L3MBTL1: variants seen among roughly 807,000 people sequenced by gnomAD.
The protein encoded by L3MBTL1 is lethal(3)malignant brain tumor-like protein 1.
L3MBTL1 carries 75 observed loss-of-function variants against 105.3 expected under a neutral mutation model. That is an observed-to-expected ratio of 0.71 (90% CI 0.59 to 0.86). The LOEUF is 0.86. L3MBTL1 is among the 40% of genes least tolerant of loss of function. L3MBTL1 has a pLI of 0.00. For synonymous variants in L3MBTL1, 452 were observed against 436.2 expected, an observed-to-expected ratio of 1.04 and a Z score of -0.45; for missense variants, 1,069 against 1,126.4, an observed-to-expected ratio of 0.95 and a Z score of 0.73.
intron 7 of L3MBTL1, among the ~76,000 whole-genome samples, chr20:43,525,398 TAAAAA>T (rs11475664): frequency 6.7e-6 from 1 of 148,752 alleles, no homozygotes; most frequent in African/African-American, 2.5e-5. Context: ...TACAAGTTAT[TAAAAA>T]AAAAAGCATC....
rs1401315946 is a variant in L3MBTL1, at chr20:43,532,897, A to C, written c.1409A>C (p.Asp470Ala). The change falls in exon 12 of 22, where the codon GAC becomes GCC. Residue 470 changes from aspartate to alanine, a missense_variant. Coordinates refer to ENST00000418998, the MANE Select transcript of L3MBTL1 (RefSeq NM_001377303.1). ...GACAGCCGCTTCCTGGTGCACTTTG[A>C]CAACTGGGATGATACTTATGACTAC... ...VVDSRFLVHF[D>A]NWDDTYDYWC... The C allele has an allele frequency of 1.2e-6, 2 of 1,613,942 alleles. No individual in the cohort carries two copies. Among genetic ancestry groups the C allele is most frequent in the Non-Finnish European group, 1.7e-6 (2 of 1,180,012 alleles).
intron 7 of L3MBTL1, among the ~76,000 whole-genome samples, chr20:43,517,705 A>G (rs1600901828): frequency 1.3e-5 from 2 of 152,296 alleles, no homozygotes; most frequent in Admixed American, 6.5e-5. Context: ...CTCTTGGACT[A>G]TGGCTTAGTT....
intron 7 of L3MBTL1, 72 bp from the exon 8 acceptor site, chr20:43,528,585 G>C: frequency 2.6e-6 from 3 of 1,133,096 alleles, no homozygotes; most frequent in Non-Finnish European, 4.0e-6. Flanking sequence ...GTAGAGCTTG[G>C]TCAGGGGAAG....
rs993283585 is a variant in L3MBTL1 at position 43,513,969 on chromosome 20, C to A, written c.268C>A (p.Leu90Ile). The change falls in exon 3 of 22, where the codon CTT (leucine) becomes ATT (isoleucine). Residue 90 changes from leucine to isoleucine, a missense_variant. Coordinates refer to ENST00000418998, the MANE Select transcript of L3MBTL1 (RefSeq NM_001377303.1). ...AGTTTCTGCCACCGTCCTGCCGCAGCTTAGCGCCGGGCCGGCCAGCTCCAG... is the reference window on the plus strand; with the variant it reads ...AGTTTCTGCCACCGTCCTGCCGCAGATTAGCGCCGGGCCGGCCAGCTCCAG... ...EPVSATVLPQ[L>I]SAGPASSSTS... The A allele has an allele frequency of 2.6e-6, 4 of 1,548,122 alleles. No individual in the cohort carries two copies. In the African/African-American group the frequency reaches 5.5e-5, roughly 21 times the overall value.
intron 8 of L3MBTL1, 118 bp from the exon 9 acceptor site, chr20:43,529,146 T>C (rs1317622520): frequency 1.5e-6 from 1 of 688,378 alleles, no homozygotes; most frequent in Non-Finnish European, 2.6e-6. Context: ...CCCAAATAAG[T>C]TGCCCCTTTG....
At chr20:43,542,380 C>T (rs1038882964), downstream of L3MBTL1, among the ~76,000 whole-genome samples, 21 of 152,126 alleles carry the variant, frequency 1.4e-4, no homozygotes, top group Non-Finnish European at 7.4e-5. Context: ...TCTTCATGTA[C>T]GTGTCCAGAG....
In L3MBTL1 at chr20:43,534,104, G is replaced by A; in HGVS notation, c.1599+11G>A. 6.2e-7 allele frequency: 1 copy of A among 1,609,152 alleles called. No homozygotes were observed. The highest frequency in any genetic ancestry group is 8.5e-7 in the Non-Finnish European group (1 of 1,175,504). On this transcript the variant is annotated intron_variant, in intron 14 of 21. Transcript: ENST00000418998. ...TGGGCCTTCAAGGTGGTGAGTCAGTGCTCCCTGACCCCAGAGCTGAGCTCA... is the reference window on the plus strand; with the variant it reads ...TGGGCCTTCAAGGTGGTGAGTCAGTACTCCCTGACCCCAGAGCTGAGCTCA...
intron 7 of L3MBTL1, among the ~76,000 whole-genome samples, chr20:43,520,588 C>G (rs982619211): frequency 2.0e-5 from 3 of 152,140 alleles, no homozygotes; most frequent in South Asian, 2.1e-4. Context: ...TATGGTCATT[C>G]TAGAGGTTAT....
At position 43,529,247 on chromosome 20, in the gene L3MBTL1, ACT is replaced by A. The variant is rs1163675896; in HGVS notation, c.952-14_952-13del. 3.8e-6 allele frequency: 6 copies of A among 1,591,146 alleles called. No homozygotes were observed. In the African/African-American group the frequency reaches 5.4e-5, roughly 14 times the overall value. On this transcript the variant is annotated splice_polypyrimidine_tract_variant and intron_variant, in intron 8 of 21. Transcript: ENST00000418998. ...GCTGGATGGAAGCTGGGTCCTCTCC[ACT>A]CTGTGCGTTGACAGTCCCAGGCAGT...
In L3MBTL1 at chr20:43,515,052, C is replaced by G; in HGVS notation, c.546C>G (p.Pro182=). 6.2e-7 allele frequency: 1 copy of G among 1,614,126 alleles called. No individual in the cohort carries two copies. The highest frequency in any genetic ancestry group is 1.1e-5 in the South Asian group (1 of 91,086). ...QNPPEDPNQD[P]PEDDSTCQCQ... is the part of the protein sequence containing the mutation. ...CTCCAGAAGATCCCAATCAGGACCCCCCAGAGGATGATAGCACCTGTCAGT... is the reference window on the plus strand; with the variant it reads ...CTCCAGAAGATCCCAATCAGGACCCGCCAGAGGATGATAGCACCTGTCAGT... Residue 182 remains proline, a synonymous_variant, in exon 5 of 22, where the codon CCC becomes CCG. Transcript: ENST00000418998.
chr20:43,512,173 G>A (rs1202030996), intron 1 of L3MBTL1, among the ~76,000 whole-genome samples: 1 of 152,206 alleles, frequency 6.6e-6, no homozygotes, highest in Non-Finnish European at 1.5e-5. Context: ...AGGGGTGCAG[G>A]AAAGGAAGCA....
rs781158638 is a variant in L3MBTL1, at chr20:43,530,879, G to A, written c.1274G>A (p.Ser425Asn). 25 of 1,613,548 alleles carry A rather than the reference G, an allele frequency of 1.5e-5. No homozygotes were observed. In the East Asian group the frequency reaches 2.9e-4, roughly 19 times the overall value. ...AQAAPKHLFV[S>N]QSHSPPPLGF... The stretch of plus-strand genomic sequence containing the variant: ...GCTGCCCCCAAGCACCTGTTTGTGA[G>A]CCAGAGCCACGTGAGTGCCCCTGAG... The change falls in exon 11 of 22, where the codon AGC becomes AAC. Residue 425 changes from serine (S) to asparagine (N), a missense_variant. Coordinates refer to ENST00000418998, the MANE Select transcript of L3MBTL1 (RefSeq NM_001377303.1).
Position 43,540,746 on chromosome 20 carries a change from T to C in L3MBTL1, c.2332-7T>C. 6.2e-7 allele frequency: 1 copy of C among 1,614,132 alleles called. No individual in the cohort carries two copies. The highest frequency in any genetic ancestry group is 1.3e-5 in the African/African-American group (1 of 75,052). On this transcript the variant is annotated splice_region_variant and splice_polypyrimidine_tract_variant and intron_variant, in intron 20 of 21. Coordinates refer to ENST00000418998, the MANE Select transcript of L3MBTL1 (RefSeq NM_001377303.1). The stretch of plus-strand genomic sequence containing the variant: ...CCCTGGTCAACATGTCATCTTTGGT[T>C]TCCAAGGTCTTCGGCTTTGTTCAGA...
chr20:43,529,586 G>A lies in L3MBTL1; in HGVS notation c.1056+218G>A, dbSNP rs146103283. ...GATGAATGTATACTGTCCACTCTGG[G>A]GGAGCTTGAGGAGATCCCGAGGGCC... is the stretch of plus-strand genomic sequence containing the variant. On this transcript the variant is annotated intron_variant, in intron 9 of 21. Coordinates refer to ENST00000418998, the MANE Select transcript of L3MBTL1 (RefSeq NM_001377303.1). 4.0e-3 allele frequency among the ~76,000 whole-genome samples: 602 copies of A among 152,304 alleles called. 2 individuals carry two copies. Among genetic ancestry groups the A allele is most frequent in the African/African-American group, 0.014 (569 of 41,564 alleles).
chr20:43,511,371 G>A (rs2018130671), intron 1 of L3MBTL1, among the ~76,000 whole-genome samples: 1 of 152,216 alleles, frequency 6.6e-6, no homozygotes, highest in Non-Finnish European at 1.5e-5. Context: ...ATCAAACACA[G>A]AAATAAATAA....
chr20:43,535,298 T>C (rs998583744), intron 16 of L3MBTL1, among the ~76,000 whole-genome samples: 2 of 152,164 alleles, frequency 1.3e-5, no homozygotes, highest in Admixed American at 1.3e-4. Flanking sequence ...CTAAAGTAAA[T>C]TCTGATTGTC....
exon 19 of L3MBTL1, chr20:43,549,891 C>G (rs1978876519): frequency 6.6e-6 from 1 of 152,114 alleles, no homozygotes; most frequent in Non-Finnish European, 1.5e-5. Context: ...GATTTCCTAC[C>G]ACAACCCAGT....
At chr20:43,532,953 G>C (rs746296284) in intron 12 of L3MBTL1, 29 bp downstream of exon 12, 3 of 1,613,374 alleles carry the variant, frequency 1.9e-6, no homozygotes, top group South Asian at 2.2e-5. Context: ...CTTGGCCTCA[G>C]GGGGTGAGGG....
intron 7 of L3MBTL1, among the ~76,000 whole-genome samples, chr20:43,520,229 G>C (rs1334270039): frequency 1.3e-5 from 2 of 152,208 alleles, no homozygotes; most frequent in Non-Finnish European, 2.9e-5. Context: ...ATTTTAGGCT[G>C]TATGTGCTTC....
Sources: gnomAD v4.1 joint callset for allele counts (sites outside exome capture counted in the v4.1 genomes callset) on GRCh38, gnomAD v4.1.1 for gene constraint, MANE v1.5 for transcripts, NCBI Gene and HGNC (gene_info 2026-07-23, HGNC 2026-07-21) for gene names.